PALS2: variants seen among roughly 807,000 people sequenced by gnomAD.
PALS2 encodes protein PALS2.
Under a neutral mutation model 61.6 loss-of-function variants are expected in PALS2, and 27 were observed. That is an observed-to-expected ratio of 0.44 (90% CI 0.32 to 0.60). The LOEUF (loss-of-function observed/expected upper bound fraction) is 0.60, where lower values mean the gene tolerates loss of function less well. Ranked by LOEUF, PALS2 falls within the 20% of genes least tolerant of loss-of-function variation. The pLI is 0.05. For synonymous variants in PALS2, 236 were observed against 218.6 expected (o/e 1.08, Z -0.70); for missense variants, 554 against 639.4 (o/e 0.87, Z 1.44).
At chr7:24,579,949 A>G (rs1782776769) in intron 1 of PALS2, among the ~76,000 whole-genome samples, 1 of 152,172 alleles carries the variant, frequency 6.6e-6, no homozygotes. Context: ...TTTAAAAGAT[A>G]GAATAGGGCA....
chr7:24,677,406 A>G (rs573822602), intron 9 of PALS2, among the ~76,000 whole-genome samples: 6 of 151,846 alleles, frequency 4.0e-5, no homozygotes, highest in Non-Finnish European at 7.4e-5. Context: ...TTCCAACACT[A>G]TGTTGAATAG....
At chr7:24,639,273 G>A (rs1785392880) in intron 2 of PALS2, among the ~76,000 whole-genome samples, 1 of 152,178 alleles carries the variant, frequency 6.6e-6, no homozygotes, top group Non-Finnish European at 1.5e-5. Context: ...ATAGATGAGA[G>A]TTCAAGTCTT....
At chr7:24,601,360 C>A (rs992483051) in intron 1 of PALS2, among the ~76,000 whole-genome samples, 9 of 152,054 alleles carry the variant, frequency 5.9e-5, no homozygotes, top group African/African-American at 2.2e-4. Context: ...GGCTATAATT[C>A]AACCCCGAAA....
intron 5 of PALS2, among the ~76,000 whole-genome samples, chr7:24,660,789 A>G (rs993517743): frequency 9.2e-5 from 14 of 152,226 alleles, no homozygotes; most frequent in Admixed American, 4.6e-4. Context: ...CTTGACAGCT[A>G]TTGCCAAATT....
At chr7:24,674,327 C>T (rs1163542445) in intron 9 of PALS2, 2 of 153,232 alleles carry the variant, frequency 1.3e-5, no homozygotes, top group Non-Finnish European at 2.9e-5. Context: ...CTTACTCTTA[C>T]TCATTTTGTC....
At chr7:24,636,656 ATG>A (rs1785252627) in intron 2 of PALS2, among the ~76,000 whole-genome samples, 2 of 152,328 alleles carry the variant, frequency 1.3e-5, no homozygotes, top group Non-Finnish European at 2.9e-5. Context: ...TATGTACAAT[ATG>A]TATCAATTAG....
At chr7:24,655,630 ATTTTTTTTTTT>A (rs770410952) in intron 5 of PALS2, among the ~76,000 whole-genome samples, 3 of 96,910 alleles carry the variant, frequency 3.1e-5, no homozygotes, top group African/African-American at 4.0e-5. Flanking sequence ...TAGTTAGTAG[ATTTTTTTTTTT>A]TTTTTTTTTT....
At position 24,687,130 on chromosome 7, in the gene PALS2, T is replaced by C. The variant is rs1788244944; in HGVS notation, c.1447-308T>C. On this transcript the variant is annotated intron_variant, in intron 11 of 11. Transcript: ENST00000222644. This position sits in a 1 kb window ranked among gnomAD's most constrained non-coding sequence, Gnocchi z 4.5. ...GCTGGAAACCAGTCACCTGCAGTAA[T>C]TGTTTTGTTACTGTAGATTCATTCC... is the stretch of plus-strand genomic sequence containing the variant. Among the ~76,000 whole-genome samples, 1 of 152,200 alleles carries C rather than the reference T, an allele frequency of 6.6e-6. No homozygotes were observed. The highest frequency in any genetic ancestry group is 6.5e-5 in the Admixed American group (1 of 15,290).
intron 1 of PALS2, among the ~76,000 whole-genome samples, chr7:24,585,968 A>G (rs1783050998): frequency 6.6e-6 from 1 of 152,132 alleles, no homozygotes; most frequent in South Asian, 2.1e-4. Context: ...CTCTTTTGCA[A>G]ATTATCTCCA....
chr7:24,669,715 A>C (rs1245107501), intron 9 of PALS2, among the ~76,000 whole-genome samples: 1 of 152,190 alleles, frequency 6.6e-6, no homozygotes, highest in Non-Finnish European at 1.5e-5. Context: ...TATTGCTAAA[A>C]TTCTTAAAAG....
chr7:24,646,808 T>C (rs534470400), intron 3 of PALS2, among the ~76,000 whole-genome samples: 1 of 152,284 alleles, frequency 6.6e-6, no homozygotes, highest in Admixed American at 6.5e-5. Flanking sequence ...ATAAACTATT[T>C]ATTACTGATT....
intron 2 of PALS2, among the ~76,000 whole-genome samples, chr7:24,632,875 TTC>T (rs1468449739): frequency 6.6e-6 from 1 of 152,166 alleles, no homozygotes; most frequent in African/African-American, 2.4e-5. Flanking sequence ...GATTTCAATT[TTC>T]TCTCTCTTAG....
chr7:24,605,004 T>G (rs558666423), intron 1 of PALS2, among the ~76,000 whole-genome samples: 59 of 152,310 alleles, frequency 3.9e-4, no homozygotes, highest in African/African-American at 1.4e-3. Flanking sequence ...TAAATGTGCC[T>G]CATTTTTATA....
At chr7:24,592,611 A>C (rs771723700) in intron 1 of PALS2, among the ~76,000 whole-genome samples, 12 of 152,114 alleles carry the variant, frequency 7.9e-5, no homozygotes, top group African/African-American at 1.7e-4. Context: ...CATACCTCAG[A>C]GATATCACGG....
intron 3 of PALS2, 97 bp downstream of exon 3, chr7:24,641,965 T>G: frequency 7.5e-7 from 1 of 1,341,920 alleles, no homozygotes; most frequent in Non-Finnish European, 1.0e-6. Context: ...CAAAGATTAT[T>G]TAGGGCTATA....
intron 1 of PALS2, among the ~76,000 whole-genome samples, chr7:24,615,558 A>G (rs1356054944): frequency 6.6e-6 from 1 of 151,990 alleles, no homozygotes; most frequent in Non-Finnish European, 1.5e-5. Flanking sequence ...GAAGACCTGA[A>G]CAGACCAACA....
At position 24,687,294 on chromosome 7, in the gene PALS2, C is replaced by G; in HGVS notation, c.1447-144C>G. 1 of 619,148 alleles carries G rather than the reference C, an allele frequency of 1.6e-6. No individual in the cohort carries two copies. Among genetic ancestry groups the G allele is most frequent in the Non-Finnish European group, 2.7e-6 (1 of 366,130 alleles). The allele number at this position is 619,148 out of a possible 1,614,324, so 38.4% of individuals were successfully genotyped here. ...GAACAGATGGCAGTGTTGTCTTTAACACTATATGGATTAGATTTTGAAGAT... is the reference window on the plus strand; with the variant it reads ...GAACAGATGGCAGTGTTGTCTTTAAGACTATATGGATTAGATTTTGAAGAT... On this transcript the variant is annotated intron_variant, in intron 11 of 11. Transcript: ENST00000222644. The surrounding 1 kb of genome is among the most constrained non-coding windows in gnomAD (Gnocchi z 4.5).
intron 1 of PALS2, among the ~76,000 whole-genome samples, chr7:24,614,007 T>C (rs1327052138): frequency 1.3e-5 from 2 of 152,068 alleles, no homozygotes; most frequent in East Asian, 3.9e-4. Context: ...CTTTGATTGA[T>C]TCTGTATGAT....
chr7:24,578,086 GCAA>G (rs1782704395), intron 1 of PALS2, among the ~76,000 whole-genome samples: 1 of 151,732 alleles, frequency 6.6e-6, no homozygotes. Flanking sequence ...AGGACTATAG[GCAA>G]CAACTACCAT....
Sources: gnomAD v4.1 joint callset for allele counts (sites outside exome capture counted in the v4.1 genomes callset) on GRCh38, gnomAD v4.1.1 for gene constraint, Gnocchi (gnomAD v3.1) non-coding constraint, MANE v1.5 for transcripts, NCBI Gene and HGNC (gene_info 2026-07-23, HGNC 2026-07-21) for gene names.